Variants in PCDH15 observed in about 807,000 individuals in gnomAD.
The protein encoded by PCDH15 is protocadherin-15.
Under a neutral mutation model 178.5 loss-of-function variants are expected in PCDH15, and 129 were observed. The observed-to-expected ratio is 0.72, with a 90% confidence interval of 0.63 to 0.84. The LOEUF is 0.84. Among genes scored for constraint, PCDH15 ranks in the 40% least tolerant of loss-of-function variants. The pLI, the probability that PCDH15 is intolerant of heterozygous loss-of-function variation, is 0.00. For missense variants in PCDH15, 2,230 were observed against 2,099.9 expected, an observed-to-expected ratio of 1.06 and a Z score of -1.21; for synonymous variants, 800 against 732.0, an observed-to-expected ratio of 1.09 and a Z score of -1.50.
intron 1 of PCDH15, among the ~76,000 whole-genome samples, chr10:55,169,066 A>G (rs944577285): frequency 9.9e-5 from 15 of 152,166 alleles, no homozygotes. Flanking sequence ...TTCTAGATTG[A>G]TATTTCAACA....
intron 3 of PCDH15, among the ~76,000 whole-genome samples, chr10:54,834,284 G>A (rs1672384039): frequency 6.6e-6 from 1 of 151,558 alleles, no homozygotes; most frequent in African/African-American, 2.4e-5. Context: ...CCGCCTCCCA[G>A]GTTCAAGTGA....
At chr10:54,623,941 T>C (rs188404378) in intron 2 of PCDH15, among the ~76,000 whole-genome samples, 152 of 152,234 alleles carry the variant, frequency 1.0e-3, no homozygotes, top group African/African-American at 3.3e-3. Flanking sequence ...AAATACTATA[T>C]TTTAAAATGA....
At chr10:54,723,110 G>A (rs992854215) in intron 1 of PCDH15, among the ~76,000 whole-genome samples, 1 of 151,512 alleles carries the variant, frequency 6.6e-6, no homozygotes, top group African/African-American at 2.4e-5. Flanking sequence ...CAAAAAGGAC[G>A]AATCTAGAGG....
chr10:54,318,858 G>T lies in PCDH15; in HGVS notation c.706-1417C>A, dbSNP rs1578668. Among the ~76,000 whole-genome samples, 977 of 152,060 alleles carry T rather than the reference G, an allele frequency of 6.4e-3. 9 individuals are homozygous for T. The highest frequency in any genetic ancestry group is 0.022 in the African/African-American group (926 of 41,486). ...ATCACTGTTGTTAACTTCATCACCT[G>T]GCTGAGGCTGTATCTAGTCAGTTTT... On this transcript the variant is annotated intron_variant, in intron 7 of 37. Coordinates refer to ENST00000644397, the MANE Select transcript of PCDH15 (RefSeq NM_001384140.1).
intron 2 of PCDH15, among the ~76,000 whole-genome samples, chr10:55,340,223 A>G (rs1217261521): frequency 6.6e-6 from 1 of 150,818 alleles, no homozygotes; most frequent in African/African-American, 2.4e-5. Flanking sequence ...TATAAAATAC[A>G]TACACATACT....
chr10:54,004,962 A>AC (rs1491052473), intron 20 of PCDH15, among the ~76,000 whole-genome samples: 1 of 143,856 alleles, frequency 7.0e-6, no homozygotes, highest in Admixed American at 7.1e-5. Context: ...AAAAAAAAAA[A>AC]ACACACATAT....
At chr10:55,481,608 G>A (rs780163453) in intron 2 of PCDH15, among the ~76,000 whole-genome samples, 1 of 151,780 alleles carries the variant, frequency 6.6e-6, no homozygotes. Flanking sequence ...AGTCATTCTA[G>A]AGCAGGTTAT....
chr10:54,344,866 C>CTCTGCCTA (rs1189578013), intron 6 of PCDH15, among the ~76,000 whole-genome samples: 1 of 129,826 alleles, frequency 7.7e-6, no homozygotes, highest in Non-Finnish European at 1.6e-5. Flanking sequence ...GTTTTATTGT[C>CTCTGCCTA]TCTGCCTAAA....
Position 55,193,682 on chromosome 10 carries a change from C to T in PCDH15, c.-155-27031G>A, listed in dbSNP as rs538504697. ...TCCATGAATAATGATAGTTTTTCAA[C>T]TTATGTGTGTTTTTAACTTTATCAT... On this transcript the variant is annotated intron_variant, in intron 1 of 5. Coordinates refer to the PCDH15 transcript ENST00000458638. Among the ~76,000 whole-genome samples the T allele has an allele frequency of 9.2e-5, 14 of 151,888 alleles. No individual in the cohort carries two copies. The East Asian group carries it at 1.7e-3, about 19-fold the overall frequency.
intron 8 of PCDH15, among the ~76,000 whole-genome samples, chr10:54,243,333 C>A (rs541492711): frequency 6.6e-6 from 1 of 152,046 alleles, no homozygotes; most frequent in Non-Finnish European, 1.5e-5. Flanking sequence ...ACGGTGAAAC[C>A]CCTTCTGTAC....
chr10:54,066,997 A>C, intron 17 of PCDH15, 112 bp from the exon 18 acceptor site: 2 of 958,150 alleles, frequency 2.1e-6, no homozygotes. Flanking sequence ...TTTTCTTTCT[A>C]ATCCTTAGCT....
At chr10:55,054,070 T>C (rs1002900987) in intron 2 of PCDH15, among the ~76,000 whole-genome samples, 31 of 152,194 alleles carry the variant, frequency 2.0e-4, no homozygotes, top group Middle Eastern at 3.2e-3. Context: ...ACAGATTATT[T>C]CATTACCAGG....
At chr10:54,820,979 A>G (rs1564538009) in intron 3 of PCDH15, among the ~76,000 whole-genome samples, 1 of 152,090 alleles carries the variant, frequency 6.6e-6, no homozygotes, top group Non-Finnish European at 1.5e-5. Context: ...GGAAAATGAA[A>G]CATATAATAC....
chr10:54,335,308 A>C (rs1032588848), intron 6 of PCDH15, among the ~76,000 whole-genome samples: 1 of 152,238 alleles, frequency 6.6e-6, no homozygotes, highest in Non-Finnish European at 1.5e-5. Flanking sequence ...AACTGAAGTA[A>C]GTTAAAACAA....
intron 37 of PCDH15, chr10:53,808,250 C>CTGT (rs2075728844): frequency 4.2e-6 from 1 of 240,002 alleles, no homozygotes; most frequent in African/African-American, 2.4e-5. Flanking sequence ...AAGTAGACGA[C>CTGT]TGTTAAAGAT....
chr10:55,073,336 A>G (rs538274463), intron 2 of PCDH15, among the ~76,000 whole-genome samples: 85 of 152,202 alleles, frequency 5.6e-4, no homozygotes, highest in African/African-American at 1.8e-3. Flanking sequence ...ACATGATTGT[A>G]TATCTAGAAA....
chr10:54,216,253 C>T (rs1204421859), intron 9 of PCDH15, among the ~76,000 whole-genome samples: 2 of 151,638 alleles, frequency 1.3e-5, no homozygotes, highest in African/African-American at 2.4e-5. Context: ...GTTAGGAGTT[C>T]GAGACCAGCC....
At chr10:54,898,858 G>T (rs1046602922) in intron 2 of PCDH15, among the ~76,000 whole-genome samples, 1 of 152,150 alleles carries the variant, frequency 6.6e-6, no homozygotes, top group African/African-American at 2.4e-5. Context: ...TAAATTAAAA[G>T]AGTAGATGTA....
chr10:55,077,841 C>G (rs1347796752), intron 2 of PCDH15, among the ~76,000 whole-genome samples: 1 of 152,124 alleles, frequency 6.6e-6, no homozygotes, highest in Non-Finnish European at 1.5e-5. Flanking sequence ...GCCACCGTGC[C>G]CGGCCAGTGG....
Sources: allele counts gnomAD v4.1 joint callset (sites outside exome capture counted in the v4.1 genomes callset), GRCh38; gene constraint gnomAD v4.1.1; transcripts MANE v1.5; gene names NCBI Gene and HGNC (gene_info 2026-07-23, HGNC 2026-07-21).